Variants in FARP1 observed in about 807,000 individuals in gnomAD.
FARP1 encodes FERM, ARHGEF and pleckstrin domain-containing protein 1.
FARP1 carries 52 observed loss-of-function variants against 128.8 expected under a neutral mutation model. The ratio of observed to expected loss-of-function variants is 0.40; its 90% CI spans 0.32 to 0.51. The LOEUF is 0.51. FARP1 is among the 20% of genes least tolerant of loss of function. FARP1 has a pLI of 0.45. For missense variants in FARP1, 1,333 were observed against 1,367.9 expected (o/e 0.97, Z 0.40); for synonymous variants, 580 against 551.8 (o/e 1.05, Z -0.72).
At chr13:98,348,688 G>A (rs2139896438) in intron 3 of FARP1, among the ~76,000 whole-genome samples, 1 of 152,342 alleles carries the variant, frequency 6.6e-6, no homozygotes, top group South Asian at 2.1e-4. Flanking sequence ...TTATTTATGG[G>A]CACAGAGATT....
At chr13:98,236,615 A>G (rs61970172) in intron 2 of FARP1, among the ~76,000 whole-genome samples, 49,222 of 152,110 alleles carry the variant, frequency 0.32, 8,351 homozygotes, top group Middle Eastern at 0.48. Context: ...AGAAAGTGAG[A>G]TATGTCATGA....
chr13:98,176,808 G>T lies in FARP1; in HGVS notation c.-24+33316G>T. The T allele has an allele frequency of 6.2e-7, 1 of 1,613,084 alleles. No homozygotes were observed. The highest frequency in any genetic ancestry group is 2.2e-5 in the East Asian group (1 of 44,796). ...TGTGGATTCCCCGGTAGATGTGGTC[G>T]TGCTCCCGACCCCGCAGTGCCTCCT... is the stretch of plus-strand genomic sequence containing the variant. On this transcript the variant is annotated intron_variant, in intron 1 of 26. Coordinates refer to ENST00000319562, the MANE Select transcript of FARP1 (RefSeq NM_005766.4). The surrounding 1 kb of genome is among the most constrained non-coding windows in gnomAD (Gnocchi z 6.2).
rs1882972167 is a variant in FARP1 at position 98,244,779 on chromosome 13, CA to C, written c.171+31369del. The C allele has an allele frequency of 8.2e-6, 13 of 1,585,390 alleles. No homozygotes were observed. In the South Asian group the frequency reaches 1.3e-4, roughly 15 times the overall value. On this transcript the variant is annotated intron_variant, in intron 2 of 26. Transcript: ENST00000319562. Reference sequence around the variant, plus strand: ...GATTGGCAATGGCCAGAGTTAAATTCAAAGGTGACATTAACACATTTCAGTG... The same window carrying C: ...GATTGGCAATGGCCAGAGTTAAATTCAAGGTGACATTAACACATTTCAGTG...
chr13:98,325,041 C>T (rs2036317732), intron 2 of FARP1, among the ~76,000 whole-genome samples: 1 of 152,160 alleles, frequency 6.6e-6, no homozygotes, highest in Non-Finnish European at 1.5e-5. Context: ...GAAATAGATA[C>T]TGTAGAAGCA....
intron 19 of FARP1, among the ~76,000 whole-genome samples, chr13:98,437,571 G>T (rs1265199073): frequency 1.3e-5 from 2 of 152,184 alleles, no homozygotes; most frequent in African/African-American, 4.8e-5. Context: ...GCCCAGGAGG[G>T]CTTCGTGCAG....
At chr13:98,320,948 C>T (rs1305026045) in intron 2 of FARP1, among the ~76,000 whole-genome samples, 1 of 152,190 alleles carries the variant, frequency 6.6e-6, no homozygotes, top group East Asian at 1.9e-4. Context: ...CCGAGAGACA[C>T]CTCCAGTTTG....
chr13:98,395,673 G>T, intron 13 of FARP1, 197 bp downstream of exon 13: 1 of 615,190 alleles, frequency 1.6e-6, no homozygotes, highest in East Asian at 3.0e-5. Context: ...GGGAGGAGGG[G>T]CGAAGAGAGG....
At chr13:98,277,148 A>ACACACACCCC (rs372627844) in intron 2 of FARP1, among the ~76,000 whole-genome samples, 54 of 138,654 alleles carry the variant, frequency 3.9e-4, no homozygotes, top group Admixed American at 1.1e-3. Flanking sequence ...ACACACACAC[A>ACACACACCCC]CCCCATATGT....
chr13:98,316,065 C>G (rs561590383), intron 2 of FARP1, among the ~76,000 whole-genome samples: 1 of 152,284 alleles, frequency 6.6e-6, no homozygotes, highest in South Asian at 2.1e-4. Flanking sequence ...ACGGTTTCGG[C>G]TGGAGTATGT....
At chr13:98,391,499 G>A (rs1403397769) in intron 11 of FARP1, among the ~76,000 whole-genome samples, 2 of 152,174 alleles carry the variant, frequency 1.3e-5, no homozygotes, top group African/African-American at 4.8e-5. Context: ...TCAAACTCCT[G>A]GGCTCAAGCC....
intron 2 of FARP1, among the ~76,000 whole-genome samples, chr13:98,289,763 G>A (rs916241113): frequency 4.6e-5 from 7 of 152,052 alleles, no homozygotes; most frequent in Non-Finnish European, 7.4e-5. Context: ...GTCACTTAGT[G>A]TAATCCCGAG....
At position 98,349,672 on chromosome 13, in the gene FARP1, GAAAAAAAAAAAAAAA is replaced by G. The variant is rs56376512; in HGVS notation, c.276+5822_276+5836del. ...GCGACAGAGCAAGACCCATCTCAGG[GAAAAAAAAAAAAAAA>G]AAAAAAAAAAAAAAAGACAATGCTT... On this transcript the variant is annotated intron_variant, in intron 3 of 26. Coordinates refer to ENST00000319562, the MANE Select transcript of FARP1 (RefSeq NM_005766.4). Among the ~76,000 whole-genome samples, 61 of 59,864 alleles carry G rather than the reference GAAAAAAAAAAAAAAA, an allele frequency of 1.0e-3. 1 individual carries two copies. Among genetic ancestry groups the G allele is most frequent in the Non-Finnish European group, 1.5e-3 (51 of 33,794 alleles). 39.3% of individuals were successfully genotyped at this position (59,864 alleles called of 152,430 possible). A position where few individuals can be genotyped will look rare whatever the true frequency, so the allele number is the denominator to read the frequency against.
chr13:98,415,867 G>T (rs1157610836), intron 16 of FARP1, among the ~76,000 whole-genome samples: 2 of 152,234 alleles, frequency 1.3e-5, no homozygotes, highest in East Asian at 3.8e-4. Context: ...CGAATTCGAG[G>T]TCACACCCCC....
intron 1 of FARP1, among the ~76,000 whole-genome samples, chr13:98,185,460 G>A (rs149651284): frequency 6.6e-6 from 1 of 152,074 alleles, no homozygotes; most frequent in Non-Finnish European, 1.5e-5. Context: ...TTCTGTTTAA[G>A]GTTCCTCGTG....
intron 2 of FARP1, among the ~76,000 whole-genome samples, chr13:98,245,921 G>GCCACGCCA (rs1489733679): frequency 6.8e-6 from 1 of 147,886 alleles, no homozygotes; most frequent in Non-Finnish European, 1.5e-5. Flanking sequence ...GATGCACGCC[G>GCCACGCCA]CCACGCCACC....
In FARP1 at chr13:98,449,671, T is replaced by C. The variant is rs1893092162; in HGVS notation, c.*1354T>C. On this transcript the variant is annotated 3_prime_UTR_variant, in exon 27 of 27. Coordinates refer to ENST00000319562, the MANE Select transcript of FARP1 (RefSeq NM_005766.4). ...GAAGAGCCTGCCGTGTGTTAATCATTTGCCTTACAAGATGTACCAGACGGT... is the reference window on the plus strand; with the variant it reads ...GAAGAGCCTGCCGTGTGTTAATCATCTGCCTTACAAGATGTACCAGACGGT... The C allele has an allele frequency of 6.6e-6, 1 of 152,446 alleles. No homozygotes were observed. Among genetic ancestry groups the C allele is most frequent in the Non-Finnish European group, 1.5e-5 (1 of 68,012 alleles). 9.4% of individuals were successfully genotyped at this position (152,446 alleles called of 1,614,324 possible).
intron 1 of FARP1, among the ~76,000 whole-genome samples, chr13:98,149,876 T>C (rs989428369): frequency 6.6e-6 from 1 of 151,132 alleles, no homozygotes; most frequent in Non-Finnish European, 1.5e-5. Flanking sequence ...TAGCTGGGTC[T>C]ACAGGCACCC....
intron 15 of FARP1, 109 bp downstream of exon 15, chr13:98,410,932 G>T (rs191766110): frequency 3.6e-6 from 2 of 561,496 alleles, no homozygotes; most frequent in Admixed American, 2.8e-5. Flanking sequence ...GCTGACTTCA[G>T]TTGAAAGGAT....
intron 1 of FARP1, among the ~76,000 whole-genome samples, chr13:98,191,452 G>C (rs1348963173): frequency 1.3e-5 from 2 of 152,158 alleles, no homozygotes; most frequent in African/African-American, 4.8e-5. Context: ...TGTAATAGTG[G>C]AAAATGCTTT....
Sources: gnomAD v4.1 joint callset for allele counts (sites outside exome capture counted in the v4.1 genomes callset) on GRCh38, gnomAD v4.1.1 for gene constraint, Gnocchi (gnomAD v3.1) non-coding constraint, MANE v1.5 for transcripts, NCBI Gene and HGNC (gene_info 2026-07-23, HGNC 2026-07-21) for gene names.